Variants in LYPLAL1 observed in about 807,000 individuals in gnomAD.
The protein encoded by LYPLAL1 is lysophospholipase like 1.
A neutral mutation model predicts 19.7 loss-of-function variants in LYPLAL1; 23 were observed. That is an observed-to-expected ratio of 1.17 (90% CI 0.84 to 1.65). The LOEUF (loss-of-function observed/expected upper bound fraction) is 1.65. Ranked by LOEUF, LYPLAL1 falls within the 40% of genes most tolerant of loss-of-function variation. LYPLAL1 has a pLI of 0.00. For synonymous variants in LYPLAL1, 119 were observed against 96.3 expected (o/e 1.24, Z -1.38); for missense variants, 355 against 279.4 (o/e 1.27, Z -1.93).
At chr1:219,405,210 G>A in the LYPLAL1 span, among the ~76,000 whole-genome samples, 347 of 152,244 alleles carry the variant, frequency 2.3e-3, no homozygotes, top group Admixed American at 4.1e-3. Flanking sequence ...AACAGCATAA[G>A]TCTGCATGGA....
chr1:219,364,464 T>C, the LYPLAL1 span, among the ~76,000 whole-genome samples: 1 of 152,142 alleles, frequency 6.6e-6, no homozygotes, highest in South Asian at 2.1e-4. Flanking sequence ...AGAATATGCC[T>C]TTCCTGATTA....
chr1:219,390,377 T>C, the LYPLAL1 span, among the ~76,000 whole-genome samples: 36 of 152,130 alleles, frequency 2.4e-4, no homozygotes, highest in Non-Finnish European at 2.8e-4. Context: ...ATCCCCTCTC[T>C]AAAAATCTCA....
chr1:219,237,930 A>G, the LYPLAL1 span, among the ~76,000 whole-genome samples: 1 of 152,306 alleles, frequency 6.6e-6, no homozygotes, highest in African/African-American at 2.4e-5. Flanking sequence ...TGCCTAATAC[A>G]TGCTTATTGA....
chr1:219,237,626 G>C, the LYPLAL1 span, among the ~76,000 whole-genome samples: 5 of 151,856 alleles, frequency 3.3e-5, no homozygotes, highest in Non-Finnish European at 5.9e-5. Flanking sequence ...TTCTCCTTTT[G>C]TCTAGTTTTT....
At chr1:219,270,011 T>C in the LYPLAL1 span, among the ~76,000 whole-genome samples, 13 of 152,340 alleles carry the variant, frequency 8.5e-5, no homozygotes, top group African/African-American at 2.6e-4. Context: ...GTCCTACTGA[T>C]GACCAAATTT....
the LYPLAL1 span, among the ~76,000 whole-genome samples, chr1:219,302,014 G>C: frequency 6.6e-6 from 1 of 152,094 alleles, no homozygotes; most frequent in Non-Finnish European, 1.5e-5. Context: ...GGGGGTAGGG[G>C]CTCTAATTAG....
chr1:219,199,160 A>G (rs917613773), intron 3 of LYPLAL1, among the ~76,000 whole-genome samples: 1 of 152,184 alleles, frequency 6.6e-6, no homozygotes, highest in Non-Finnish European at 1.5e-5. Flanking sequence ...TAATATATGT[A>G]TGTGAGTCCC....
At chr1:219,216,414 G>C (rs183487768), downstream of LYPLAL1, among the ~76,000 whole-genome samples, 35 of 152,156 alleles carry the variant, frequency 2.3e-4, no homozygotes, top group African/African-American at 8.2e-4. Context: ...ATTAAAAACT[G>C]TTTTATCCTT....
chr1:219,358,965 G>T, the LYPLAL1 span, among the ~76,000 whole-genome samples: 1 of 152,046 alleles, frequency 6.6e-6, no homozygotes, highest in African/African-American at 2.4e-5. Context: ...GTAGTTGCAA[G>T]ATGAGGATTT....
the LYPLAL1 span, among the ~76,000 whole-genome samples, chr1:219,236,955 T>A: frequency 2.0e-5 from 3 of 151,440 alleles, no homozygotes; most frequent in Non-Finnish European, 4.4e-5. Flanking sequence ...CCTCCCTGTG[T>A]CCATGTGTAA....
At chr1:219,199,271 G>T (rs910616260) in intron 3 of LYPLAL1, among the ~76,000 whole-genome samples, 1 of 152,148 alleles carries the variant, frequency 6.6e-6, no homozygotes, top group African/African-American at 2.4e-5. Flanking sequence ...GGTGAAATGA[G>T]ATCCTGTACA....
At chr1:219,226,983 A>G in the LYPLAL1 span, among the ~76,000 whole-genome samples, 4 of 152,348 alleles carry the variant, frequency 2.6e-5, no homozygotes, top group East Asian at 7.7e-4. Flanking sequence ...GAAAGTACCA[A>G]CGTATACTTT....
the LYPLAL1 span, among the ~76,000 whole-genome samples, chr1:219,383,404 A>T: frequency 6.6e-6 from 1 of 152,230 alleles, no homozygotes; most frequent in Non-Finnish European, 1.5e-5. Context: ...ATGACACTTT[A>T]ACTAATTGGG....
chr1:219,183,735 G>A (rs1656481916), intron 2 of LYPLAL1, among the ~76,000 whole-genome samples: 1 of 151,710 alleles, frequency 6.6e-6, no homozygotes, highest in Non-Finnish European at 1.5e-5. Flanking sequence ...TGGTATTTTT[G>A]GGATTCATCT....
At chr1:219,188,142 T>A (rs960212917) in intron 2 of LYPLAL1, among the ~76,000 whole-genome samples, 59 of 151,814 alleles carry the variant, frequency 3.9e-4, no homozygotes, top group African/African-American at 1.4e-3. Context: ...GCATCTATTC[T>A]ATGTCAGGCT....
the LYPLAL1 span, among the ~76,000 whole-genome samples, chr1:219,237,644 T>G: frequency 6.6e-6 from 1 of 152,232 alleles, no homozygotes. Context: ...TTTGTCTGTT[T>G]GTTGTTGTTG....
the LYPLAL1 span, among the ~76,000 whole-genome samples, chr1:219,242,247 G>A: frequency 1.3e-5 from 2 of 152,112 alleles, no homozygotes; most frequent in Admixed American, 6.6e-5. Flanking sequence ...GCCTACTAAG[G>A]TTTTGAAGTA....
the LYPLAL1 span, among the ~76,000 whole-genome samples, chr1:219,276,029 A>G: frequency 6.6e-6 from 1 of 150,766 alleles, no homozygotes; most frequent in Non-Finnish European, 1.5e-5. Flanking sequence ...ATCCTAATGT[A>G]ATTATTGAAA....
the LYPLAL1 span, among the ~76,000 whole-genome samples, chr1:219,439,758 A>C: frequency 6.6e-6 from 1 of 151,926 alleles, no homozygotes; most frequent in Non-Finnish European, 1.5e-5. Context: ...TTGGGAAAGC[A>C]TATATATTAT....
Sources: gnomAD v4.1 joint callset for allele counts (sites outside exome capture counted in the v4.1 genomes callset) on GRCh38, gnomAD v4.1.1 for gene constraint, MANE v1.5 for transcripts, NCBI Gene and HGNC (gene_info 2026-07-23, HGNC 2026-07-21) for gene names.